The following ENTREP3 variants were observed in gnomAD, a reference collection of about 807,000 sequenced individuals.
The protein encoded by ENTREP3 is protein ENTREP3.
the ENTREP3 span, chr1:155,251,753 G>C: frequency 6.2e-7 from 1 of 1,611,658 alleles, no homozygotes; most frequent in Non-Finnish European, 8.5e-7. Context: ...CTGTTTCTGA[G>C]CTGCAGGTAT....
the ENTREP3 span, chr1:155,247,662 T>G: frequency 2.1e-6 from 2 of 952,702 alleles, no homozygotes; most frequent in Non-Finnish European, 3.2e-6. Context: ...AAGGGACACT[T>G]TGGGGGGTAT....
the ENTREP3 span, among the ~76,000 whole-genome samples, chr1:155,249,598 G>GC: frequency 6.6e-6 from 1 of 151,594 alleles, no homozygotes; most frequent in Non-Finnish European, 1.5e-5. Flanking sequence ...TACAAAAATT[G>GC]CCCGGGCACG....
the ENTREP3 span, chr1:155,254,996 CT>C: frequency 1.3e-6 from 1 of 792,290 alleles, no homozygotes; most frequent in Non-Finnish European, 2.0e-6. The surrounding 1 kb of genome is among the most constrained non-coding windows in gnomAD (Gnocchi z 4.4). Context: ...AGCCCACCCC[CT>C]GGCTGGGTCC....
the ENTREP3 span, chr1:155,247,956 C>A: frequency 6.2e-7 from 1 of 1,604,544 alleles, no homozygotes; most frequent in Non-Finnish European, 8.5e-7. Context: ...TCCGGGGCAC[C>A]TGGACAGGGA....
chr1:155,254,089 A>C, the ENTREP3 span: 1 of 1,614,046 alleles, frequency 6.2e-7, no homozygotes, highest in Non-Finnish European at 8.5e-7. The surrounding 1 kb of genome is among the most constrained non-coding windows in gnomAD (Gnocchi z 4.4). Context: ...CTCACCAGAG[A>C]GCACTGTTGG....
chr1:155,253,755 G>A, the ENTREP3 span: 1 of 1,606,916 alleles, frequency 6.2e-7, no homozygotes, highest in Non-Finnish European at 8.5e-7. Context: ...AAGGAGGAGA[G>A]GAGTCAGGAG....
At chr1:155,250,365 C>T in the ENTREP3 span, 4 of 1,545,874 alleles carry the variant, frequency 2.6e-6, no homozygotes, top group Non-Finnish European at 3.5e-6. The surrounding 1 kb of genome is among the most constrained non-coding windows in gnomAD (Gnocchi z 5.4). Flanking sequence ...AGGCCGGTGC[C>T]CCGGTGGGGT....
the ENTREP3 span, chr1:155,254,599 G>C: frequency 6.3e-7 from 1 of 1,577,972 alleles, no homozygotes; most frequent in Non-Finnish European, 8.7e-7. The surrounding 1 kb of genome is among the most constrained non-coding windows in gnomAD (Gnocchi z 4.4). Flanking sequence ...CAGCTGGTGT[G>C]GAGGGTGGGG....
chr1:155,254,555 C>A, the ENTREP3 span: 1 of 1,567,004 alleles, frequency 6.4e-7, no homozygotes. The surrounding 1 kb of genome is among the most constrained non-coding windows in gnomAD (Gnocchi z 4.4). Flanking sequence ...GGCAGAGGAC[C>A]AGGAGAGGGA....
chr1:155,250,625 C>T, the ENTREP3 span: 1 of 1,610,426 alleles, frequency 6.2e-7, no homozygotes, highest in African/African-American at 1.3e-5. The surrounding 1 kb of genome is among the most constrained non-coding windows in gnomAD (Gnocchi z 5.4). Context: ...GGGGGCTTTC[C>T]TCGAAGGGGC....
chr1:155,251,033 T>TACCCACCCCAGCTATCCCTGGCAG, the ENTREP3 span: 5 of 1,499,248 alleles, frequency 3.3e-6, no homozygotes, highest in South Asian at 5.9e-5. Context: ...CTATTGTCTC[T>TACCCACCCCAGCTATCCCTGGCAG]ACCCACCCCA....
At chr1:155,248,362 C>A in the ENTREP3 span, 1 of 1,613,222 alleles carries the variant, frequency 6.2e-7, no homozygotes, top group Non-Finnish European at 8.5e-7. Flanking sequence ...GCTGGGCAGC[C>A]ATGCCCAATC....
the ENTREP3 span, chr1:155,247,316 C>G: frequency 2.2e-6 from 1 of 454,418 alleles, no homozygotes; most frequent in South Asian, 1.6e-5. Flanking sequence ...ATTGGGGTTA[C>G]ATAGCTTGCC....
At chr1:155,252,722 A>ATATATATATATATT in the ENTREP3 span, 1 of 13,206 alleles carries the variant, frequency 7.6e-5, no homozygotes. Context: ...ATATATATAT[A>ATATATATATATATT]TTTTTTTTTT....
chr1:155,250,293 G>C, the ENTREP3 span: 2 of 1,547,368 alleles, frequency 1.3e-6, no homozygotes, highest in Non-Finnish European at 1.7e-6. The surrounding 1 kb of genome is among the most constrained non-coding windows in gnomAD (Gnocchi z 5.4). Flanking sequence ...ACTGGAGGTC[G>C]TGATGCCTGG....
chr1:155,254,644 C>T, the ENTREP3 span: 1 of 1,605,842 alleles, frequency 6.2e-7, no homozygotes, highest in South Asian at 1.1e-5. This position sits in a 1 kb window ranked among gnomAD's most constrained non-coding sequence, Gnocchi z 4.4. Flanking sequence ...AACTGTGCAC[C>T]CAACTCACCG....
the ENTREP3 span, chr1:155,251,630 G>C: frequency 1.2e-6 from 2 of 1,607,884 alleles, no homozygotes; most frequent in African/African-American, 1.3e-5. Context: ...GGTCAATGTA[G>C]GAGAAATAAT....
chr1:155,251,375 G>C, the ENTREP3 span: 2 of 749,708 alleles, frequency 2.7e-6, no homozygotes, highest in African/African-American at 3.6e-5. Flanking sequence ...AAAGGCAACA[G>C]TGGGCATGCT....
chr1:155,254,530 C>T, the ENTREP3 span: 1 of 1,580,334 alleles, frequency 6.3e-7, no homozygotes, highest in Non-Finnish European at 8.7e-7. This position sits in a 1 kb window ranked among gnomAD's most constrained non-coding sequence, Gnocchi z 4.4. Context: ...CAGGATGCAC[C>T]CAGCCCTGTA....
Sources: gnomAD v4.1 joint callset for allele counts (sites outside exome capture counted in the v4.1 genomes callset) on GRCh38, gnomAD v4.1.1 for gene constraint, Gnocchi (gnomAD v3.1) non-coding constraint, MANE v1.5 for transcripts, NCBI Gene and HGNC (gene_info 2026-07-23, HGNC 2026-07-21) for gene names.